Variants in OTUD6B observed in about 807,000 individuals in gnomAD.
The protein encoded by OTUD6B is OTU deubiquitinase 6B, also known as deubiquitinase OTUD6B.
Under a neutral mutation model 36.9 loss-of-function variants are expected in OTUD6B, and 41 were observed. The ratio of observed to expected loss-of-function variants is 1.11; its 90% confidence interval spans 0.87 to 1.44. The LOEUF (loss-of-function observed/expected upper bound fraction) is 1.44, where lower values mean the gene tolerates loss of function less well. OTUD6B is among the 40% of genes most tolerant of loss of function. OTUD6B has a pLI of 0.00. For synonymous variants in OTUD6B, 114 were observed against 114.2 expected (o/e 1.00, Z 0.01); for missense variants, 356 against 344.8 (o/e 1.03, Z -0.26).
intron 1 of OTUD6B, 156 bp from the exon 2 acceptor site, chr8:91,070,982 A>G: frequency 4.4e-5 from 36 of 815,780 alleles, no homozygotes; most frequent in East Asian, 2.5e-4. Context: ...TTTATCTGGG[A>G]TCTTCTCTCT....
chr8:91,081,535 G>T (rs1812907532), intron 5 of OTUD6B, among the ~76,000 whole-genome samples: 2 of 151,584 alleles, frequency 1.3e-5, no homozygotes, highest in Admixed American at 1.3e-4. Context: ...TCCCAAGCTT[G>T]AGTTTCTTGA....
chr8:91,087,065 AAG>A lies in OTUD6B; in HGVS notation c.*2199_*2200del, dbSNP rs1485633491. 6.6e-5 allele frequency: 10 copies of A among 152,118 alleles called. No homozygotes were observed. Among genetic ancestry groups the A allele is most frequent in the African/African-American group, 2.4e-4 (10 of 41,466 alleles). 9.4% of individuals were successfully genotyped at this position (152,118 alleles called of 1,614,324 possible). On this transcript the variant is annotated 3_prime_UTR_variant, in exon 7 of 7. Transcript: ENST00000404789. The stretch of plus-strand genomic sequence containing the variant: ...TATATTATGTGATGTTTGCCAAAAA[AAG>A]AATAAAAAATGAATGAATTAAATCA...
At chr8:91,084,247 G>A (rs1812966038) in intron 6 of OTUD6B, 133 bp downstream of exon 6, 1 of 604,196 alleles carries the variant, frequency 1.7e-6, no homozygotes, top group Non-Finnish European at 2.8e-6. Flanking sequence ...TTATTTTTGT[G>A]TGTGAGTTTA....
chr8:91,070,755 A>G (rs1224081793), intron 1 of OTUD6B, among the ~76,000 whole-genome samples: 2 of 151,748 alleles, frequency 1.3e-5, no homozygotes, highest in Non-Finnish European at 2.9e-5. Context: ...TCCCAAACCC[A>G]CGATGCCTCC....
chr8:91,083,335 A>T (rs1265166476), intron 5 of OTUD6B, among the ~76,000 whole-genome samples: 3 of 151,958 alleles, frequency 2.0e-5, no homozygotes, highest in East Asian at 1.9e-4. Flanking sequence ...GTATTTAAAA[A>T]TTTTTTTTGT....
chr8:91,080,584 C>T (rs1321482088), intron 4 of OTUD6B, 85 bp from the exon 5 acceptor site: 1 of 1,497,610 alleles, frequency 6.7e-7, no homozygotes, highest in Non-Finnish European at 8.9e-7. Context: ...GCATTTTTGT[C>T]AGGAATTGTG....
At chr8:91,076,235 A>G (rs1812800051) in intron 3 of OTUD6B, among the ~76,000 whole-genome samples, 1 of 152,092 alleles carries the variant, frequency 6.6e-6, no homozygotes, top group African/African-American at 2.4e-5. Context: ...TTTATTGACA[A>G]TATATTTATG....
chr8:91,079,296 A>G (rs541581346), intron 4 of OTUD6B: 7 of 152,112 alleles, frequency 4.6e-5, no homozygotes, highest in Non-Finnish European at 1.0e-4. Flanking sequence ...TTAGTCCTTG[A>G]GAGAATATGG....
Position 91,072,824 on chromosome 8 carries a change from A to G in OTUD6B, c.235-1007A>G, listed in dbSNP as rs1156470639. 4.6e-5 allele frequency among the ~76,000 whole-genome samples: 7 copies of G among 152,316 alleles called. No individual in the cohort carries two copies. In the East Asian group the frequency reaches 1.3e-3, roughly 29 times the overall value. On this transcript the variant is annotated intron_variant, in intron 2 of 6. Coordinates refer to ENST00000404789, the MANE Select transcript of OTUD6B (RefSeq NM_016023.5). ...CCAAGGACAAAAATGTTTGATTCAT[A>G]AGCTACATGGAGTCCTACTGTTAAA...
Position 91,070,446 on chromosome 8 carries a change from A to AAG in OTUD6B, c.66_67dup (p.Lys23ArgfsTer12). On this transcript the variant is annotated frameshift_variant, in exon 1 of 7. Coordinates refer to ENST00000404789, the MANE Select transcript of OTUD6B (RefSeq NM_016023.5). LOFTEE classifies it high-confidence loss of function. ...GAGCAGCTGCTGAGAAGGCATCGCAAAGAGAAGAAGGAGTTGCAAGGTGAG... is the reference window on the plus strand; with the variant it reads ...GAGCAGCTGCTGAGAAGGCATCGCAAAGAGAGAAGAAGGAGTTGCAAGGTGAG... 6.3e-7 allele frequency: 1 copy of AAG among 1,578,150 alleles called. No homozygotes were observed. Among genetic ancestry groups the AAG allele is most frequent in the Non-Finnish European group, 8.6e-7 (1 of 1,161,472 alleles).
intron 3 of OTUD6B, among the ~76,000 whole-genome samples, chr8:91,074,317 A>G (rs976758303): frequency 2.6e-5 from 4 of 152,100 alleles, no homozygotes; most frequent in African/African-American, 9.7e-5. Context: ...ATTCTGATGC[A>G]CAACCCTAGC....
intron 4 of OTUD6B, chr8:91,078,901 T>C (rs1424148085): frequency 5.8e-6 from 2 of 344,810 alleles, no homozygotes; most frequent in East Asian, 4.9e-5. Context: ...CTAATCATTT[T>C]ATGTAAGATA....
chr8:91,071,849 G>A (rs977811880), intron 2 of OTUD6B, among the ~76,000 whole-genome samples: 2 of 152,156 alleles, frequency 1.3e-5, no homozygotes, highest in Non-Finnish European at 2.9e-5. Flanking sequence ...CCAAATCAAA[G>A]TTGGAAGACC....
Position 91,070,438 on chromosome 8 carries a change from G to A in OTUD6B, c.54G>A (p.Arg18=). The A allele has an allele frequency of 6.3e-7, 1 of 1,584,058 alleles. No homozygotes were observed. Among genetic ancestry groups the A allele is most frequent in the Non-Finnish European group, 8.6e-7 (1 of 1,164,648 alleles). Residue 18 remains arginine, a synonymous_variant, in exon 1 of 7, where the codon AGG becomes AGA. Coordinates refer to ENST00000404789, the MANE Select transcript of OTUD6B (RefSeq NM_016023.5). ...ATGAGGAAGAGCAGCTGCTGAGAAG[G>A]CATCGCAAAGAGAAGAAGGAGTTGC... ...ELDEEEQLLR[R]HRKEKKELQA...
chr8:91,078,653 G>T lies in OTUD6B; in HGVS notation c.613G>T (p.Asp205Tyr). 1 of 1,573,132 alleles carries T rather than the reference G, an allele frequency of 6.4e-7. No individual in the cohort carries two copies. Among genetic ancestry groups the T allele is most frequent in the Non-Finnish European group, 8.6e-7 (1 of 1,156,820 alleles). The part of the protein sequence containing the change: ...LPFLTNPNTG[D>Y]MYTPEEFQKY... ...ATTTTTAACAAACCCTAATACAGGA[G>T]ATATGTATACTCCAGGTAATTTATT... The change falls in exon 4 of 7, where the codon GAT becomes TAT. Residue 205 changes from aspartate (D) to tyrosine (Y), a missense_variant. Physicochemically the swap from Asp to Tyr is radical, Grantham distance 160 (BLOSUM62 -3). Coordinates refer to ENST00000404789, the MANE Select transcript of OTUD6B (RefSeq NM_016023.5).
intron 3 of OTUD6B, 157 bp from the exon 4 acceptor site, chr8:91,078,199 G>A: frequency 1.0e-6 from 1 of 967,112 alleles, no homozygotes; most frequent in Non-Finnish European, 1.2e-6. Context: ...AGCTCACCTT[G>A]TAGAAAATTC....
rs543914115 is a variant in OTUD6B, at chr8:91,072,294, A to T, written c.234+1005A>T. 2.6e-5 allele frequency among the ~76,000 whole-genome samples: 4 copies of T among 152,332 alleles called. No individual in the cohort carries two copies. The South Asian group carries it at 6.2e-4, about 24-fold the overall frequency. On this transcript the variant is annotated intron_variant, in intron 2 of 6. Coordinates refer to ENST00000404789, the MANE Select transcript of OTUD6B (RefSeq NM_016023.5). ...AGAGAGATTAAGAACTTTGTCCAGG[A>T]GTCGTAACAGCTGTTGATTGCCAAA...
chr8:91,070,948 G>GTT (rs376355918), intron 1 of OTUD6B, 190 bp from the exon 2 acceptor site: 2,729 of 507,440 alleles, frequency 5.4e-3, no homozygotes, highest in Middle Eastern at 7.2e-3. Flanking sequence ...TGTTAATGAA[G>GTT]TTTTTTTTTT....
Position 91,084,921 on chromosome 8 carries a change from T to C in OTUD6B, c.*53T>C. On this transcript the variant is annotated 3_prime_UTR_variant, in exon 7 of 7. Transcript: ENST00000404789. ...TAATACAGTGTGCTGAACTGAGTAT[T>C]TCTACCAAGTGTTGGGTTGTTCTAA... The C allele has an allele frequency of 1.1e-6, 1 of 876,826 alleles. No homozygotes were observed. The highest frequency in any genetic ancestry group is 2.0e-5 in the South Asian group (1 of 50,330). 54.3% of individuals were successfully genotyped at this position (876,826 alleles called of 1,614,324 possible). A position where few individuals can be genotyped will look rare whatever the true frequency, so the allele number is the denominator to read the frequency against.
Sources: allele counts gnomAD v4.1 joint callset (sites outside exome capture counted in the v4.1 genomes callset), GRCh38; gene constraint gnomAD v4.1.1; transcripts MANE v1.5; gene names NCBI Gene and HGNC (gene_info 2026-07-23, HGNC 2026-07-21).